DLGAP2: variants seen among roughly 807,000 people sequenced by gnomAD.
DLGAP2 encodes disks large-associated protein 2.
Under a neutral mutation model 100.3 loss-of-function variants are expected in DLGAP2, and 26 were observed. That is an observed-to-expected ratio of 0.26 (90% CI 0.19 to 0.36). The LOEUF (loss-of-function observed/expected upper bound fraction) is 0.36, where lower values mean the gene tolerates loss of function less well. Ranked by LOEUF, DLGAP2 falls within the 10% of genes least tolerant of loss-of-function variation. The pLI is 1.00. For missense variants in DLGAP2, 1,858 were observed against 1,453.2 expected (o/e 1.28, Z -4.53); for synonymous variants, 886 against 630.1 (o/e 1.41, Z -6.08).
intron 2 of DLGAP2, among the ~76,000 whole-genome samples, chr8:1,241,978 C>T (rs754794872): frequency 4.6e-5 from 7 of 152,156 alleles, no homozygotes; most frequent in Non-Finnish European, 7.3e-5. Flanking sequence ...TCCTTTATGG[C>T]CCGAGATGGT....
chr8:1,242,465 G>A (rs901770884), intron 2 of DLGAP2, among the ~76,000 whole-genome samples: 10 of 152,306 alleles, frequency 6.6e-5, no homozygotes, highest in African/African-American at 2.4e-4. Flanking sequence ...TTGTTCACTT[G>A]TTTCTTATGA....
At chr8:1,296,125 T>C (rs1262302743) in intron 3 of DLGAP2, 3 of 152,084 alleles carry the variant, frequency 2.0e-5, no homozygotes, top group African/African-American at 7.2e-5. Flanking sequence ...GAAGGGTGCT[T>C]TGCAGGGTGG....
intron 4 of DLGAP2, among the ~76,000 whole-genome samples, chr8:1,545,609 A>C (rs534795659): frequency 1.3e-5 from 2 of 152,170 alleles, no homozygotes; most frequent in East Asian, 3.9e-4. Flanking sequence ...CACCTAAAAA[A>C]CCCGGAGACC....
chr8:805,549 G>C (rs1168073878), intron 1 of DLGAP2, among the ~76,000 whole-genome samples: 1 of 152,170 alleles, frequency 6.6e-6, no homozygotes, highest in Admixed American at 6.5e-5. Context: ...CCTTGTGTCA[G>C]TTGTTTTGAA....
intron 3 of DLGAP2, among the ~76,000 whole-genome samples, chr8:1,269,624 G>A (rs1018198323): frequency 6.6e-6 from 1 of 152,178 alleles, no homozygotes; most frequent in East Asian, 1.9e-4. Context: ...TTACGAAGGA[G>A]TGAAATGTCT....
chr8:1,139,759 C>G (rs1346458246), intron 2 of DLGAP2, among the ~76,000 whole-genome samples: 1 of 152,154 alleles, frequency 6.6e-6, no homozygotes, highest in Non-Finnish European at 1.5e-5. Flanking sequence ...AGGATGGTGC[C>G]TGGCACAGGG....
At chr8:1,334,796 C>G (rs575305773) in intron 3 of DLGAP2, among the ~76,000 whole-genome samples, 2 of 152,132 alleles carry the variant, frequency 1.3e-5, no homozygotes, top group African/African-American at 4.8e-5. Context: ...ATACATGATA[C>G]ATGTGTTGAC....
chr8:1,187,810 ACG>A lies in DLGAP2; in HGVS notation c.74-71039_74-71038del, dbSNP rs1403706019. Among the ~76,000 whole-genome samples the A allele has an allele frequency of 1.2e-4, 15 of 126,076 alleles. 1 individual carries two copies. The highest frequency in any genetic ancestry group is 5.2e-4 in the Admixed American group (7 of 13,418). The allele number at this position is 126,076 out of a possible 152,430, so 82.7% of individuals were successfully genotyped here. A position where few individuals can be genotyped will look rare whatever the true frequency, so the allele number is the denominator to read the frequency against. ...TGACGTTTGCCTCATGGAATCTCAC[ACG>A]CCCGGGACTTCCGTGATGTTTCCCT... is the stretch of plus-strand genomic sequence containing the variant. On this transcript the variant is annotated intron_variant, in intron 2 of 14. Coordinates refer to ENST00000637795, the MANE Select transcript of DLGAP2 (RefSeq NM_001346810.2).
intron 8 of DLGAP2, among the ~76,000 whole-genome samples, chr8:1,649,081 T>C (rs1349172235): frequency 1.3e-5 from 2 of 152,168 alleles, no homozygotes; most frequent in East Asian, 3.9e-4. Flanking sequence ...AAAATTTAAC[T>C]TTATTCTCCA....
intron 3 of DLGAP2, among the ~76,000 whole-genome samples, chr8:1,441,203 A>T (rs560933317): frequency 1.6e-4 from 24 of 152,354 alleles, no homozygotes; most frequent in African/African-American, 5.3e-4. Context: ...TAATCTTTTC[A>T]TTAAAATGCA....
chr8:1,527,626 G>A (rs973389423), intron 4 of DLGAP2, among the ~76,000 whole-genome samples: 5 of 152,166 alleles, frequency 3.3e-5, no homozygotes, highest in Non-Finnish European at 7.4e-5. Context: ...ACTGAAATAC[G>A]CTTCCTTTTA....
Position 907,912 on chromosome 8 carries a change from G to T in DLGAP2, c.19G>T (p.Val7Phe), listed in dbSNP as rs1798413202. Residue 7 changes from valine to phenylalanine, a missense_variant and splice_region_variant, in exon 2 of 15, where the codon GTT becomes TTT. Physicochemically the swap from Val to Phe is conservative, Grantham distance 50. Coordinates refer to ENST00000637795, the MANE Select transcript of DLGAP2 (RefSeq NM_001346810.2). Reference protein sequence around the residue: MSALRKVLPGILQKHCC... With the variant: MSALRKFLPGILQKHCC... The stretch of plus-strand genomic sequence containing the variant: ...ATTTTATTTATTTGTTTTAAAACAG[G>T]TTTTGCCTGGCATTCTGCAGAAGCA... 1 of 398,910 alleles carries T rather than the reference G, an allele frequency of 2.5e-6. No homozygotes were observed. Among genetic ancestry groups the T allele is most frequent in the Non-Finnish European group, 4.4e-6 (1 of 226,058 alleles). 24.7% of individuals were successfully genotyped at this position (398,910 alleles called of 1,614,324 possible).
Position 1,682,177 on chromosome 8 carries a change from C to T in DLGAP2, c.2704+3548C>T, listed in dbSNP as rs186108041. Reference sequence around the variant, plus strand: ...TCTGGTCCTCCACGACTGTGACCCACGTGTGGTCCACAGAGTCCCTCAGCT... The same window carrying T: ...TCTGGTCCTCCACGACTGTGACCCATGTGTGGTCCACAGAGTCCCTCAGCT... On this transcript the variant is annotated intron_variant, in intron 12 of 14. Transcript: ENST00000637795. Among the ~76,000 whole-genome samples, 145 of 152,356 alleles carry T rather than the reference C, an allele frequency of 9.5e-4. No homozygotes were observed. In the South Asian group the frequency reaches 9.7e-3, roughly 10 times the overall value.
At chr8:1,433,098 A>G (rs1797503082) in intron 3 of DLGAP2, among the ~76,000 whole-genome samples, 1 of 152,136 alleles carries the variant, frequency 6.6e-6, no homozygotes, top group African/African-American at 2.4e-5. Context: ...TTGCCGAGCC[A>G]CACGTCCCCA....
At chr8:1,448,911 G>A (rs1798058869) in intron 3 of DLGAP2, among the ~76,000 whole-genome samples, 1 of 152,216 alleles carries the variant, frequency 6.6e-6, no homozygotes, top group Non-Finnish European at 1.5e-5. Flanking sequence ...TCTACAGTGG[G>A]TCAAACATGC....
chr8:774,019 C>G (rs577064424), intron 1 of DLGAP2, among the ~76,000 whole-genome samples: 1,662 of 152,238 alleles, frequency 0.011, 31 homozygotes, highest in African/African-American at 0.038. Flanking sequence ...GTTGTTTCCT[C>G]ACTTTTTAAT....
chr8:810,969 G>T (rs896982630), intron 1 of DLGAP2, among the ~76,000 whole-genome samples: 6 of 152,242 alleles, frequency 3.9e-5, no homozygotes, highest in Non-Finnish European at 8.8e-5. Context: ...AAGGAAGAGC[G>T]TACGGCGGGG....
At chr8:1,119,691 A>G (rs1418879670) in intron 2 of DLGAP2, among the ~76,000 whole-genome samples, 1 of 152,196 alleles carries the variant, frequency 6.6e-6, no homozygotes. Context: ...CTCAACTTTG[A>G]ATTTAAGTAT....
chr8:1,616,378 T>A (rs562362111), intron 6 of DLGAP2, among the ~76,000 whole-genome samples: 6 of 151,992 alleles, frequency 3.9e-5, no homozygotes, highest in African/African-American at 1.5e-4. Context: ...TTTGAAAGAA[T>A]CCACAGACCC....
Sources: gnomAD v4.1 joint callset for allele counts (sites outside exome capture counted in the v4.1 genomes callset) on GRCh38, gnomAD v4.1.1 for gene constraint, MANE v1.5 for transcripts, NCBI Gene and HGNC (gene_info 2026-07-23, HGNC 2026-07-21) for gene names.